The following PTPN1 variants were observed in gnomAD, a reference collection of about 807,000 sequenced individuals.
PTPN1 encodes the protein tyrosine-protein phosphatase non-receptor type 1.
In PTPN1, 12 loss-of-function variants were observed where a neutral mutation model predicts 59.9. The ratio of observed to expected loss-of-function variants is 0.20; its 90% CI spans 0.13 to 0.32. The LOEUF (loss-of-function observed/expected upper bound fraction) is 0.32. PTPN1 is among the 10% of genes least tolerant of loss of function. The probability of loss-of-function intolerance (pLI) is 1.00; values close to 1 mark genes in which losing one functional copy is unlikely to be tolerated. For missense variants in PTPN1, 356 were observed against 549.2 expected (o/e 0.65, Z 3.52); for synonymous variants, 178 against 203.6 (o/e 0.87, Z 1.07).
intron 1 of PTPN1, among the ~76,000 whole-genome samples, chr20:50,539,194 C>T (rs2082637898): frequency 6.7e-6 from 1 of 149,964 alleles, no homozygotes; most frequent in Non-Finnish European, 1.5e-5. Flanking sequence ...TGCCACCACC[C>T]CTGGCAAATT....
In PTPN1 at chr20:50,581,307, A is replaced by G. The variant is rs761910998; in HGVS notation, c.1131A>G (p.Gly377=). ...AAGTTAGAAGTCGGGTCGTGGGGGG[A>G]AGTCTTCGAGGTGCCCAGGCTGCCT... ...DTEVRSRVVG[G]SLRGAQAASP... is the part of the protein sequence containing the mutation. The change falls in exon 9 of 10, where the codon GGA becomes GGG. Residue 377 remains glycine, a synonymous_variant. Transcript: ENST00000371621. The G allele has an allele frequency of 1.2e-6, 2 of 1,613,232 alleles. No homozygotes were observed. The highest frequency in any genetic ancestry group is 1.7e-6 in the Non-Finnish European group (2 of 1,179,312).
intron 1 of PTPN1, among the ~76,000 whole-genome samples, chr20:50,524,569 CTTTTTTTT>C (rs764474360): frequency 3.1e-4 from 14 of 45,790 alleles, no homozygotes; most frequent in African/African-American, 9.1e-4. Flanking sequence ...ATTATGTGGT[CTTTTTTTT>C]TTTTTTTTTT....
intron 1 of PTPN1, among the ~76,000 whole-genome samples, chr20:50,545,898 CGT>C (rs1157589877): frequency 6.7e-6 from 1 of 148,174 alleles, no homozygotes; most frequent in African/African-American, 2.5e-5. Context: ...CATGGTGGAA[CGT>C]AGTGCGTGGT....
chr20:50,540,326 A>AGC (rs1317973699), intron 1 of PTPN1, among the ~76,000 whole-genome samples: 2 of 152,230 alleles, frequency 1.3e-5, no homozygotes, highest in African/African-American at 4.8e-5. Flanking sequence ...AAGTGCTGGG[A>AGC]TTACAGGCGT....
intron 1 of PTPN1, among the ~76,000 whole-genome samples, chr20:50,559,364 G>A (rs2082741019): frequency 6.6e-6 from 1 of 152,110 alleles, no homozygotes; most frequent in African/African-American, 2.4e-5. Flanking sequence ...TTAGAATCTC[G>A]AAGGCATTGC....
At chr20:50,556,873 A>C (rs2082728187) in intron 1 of PTPN1, among the ~76,000 whole-genome samples, 1 of 152,224 alleles carries the variant, frequency 6.6e-6, no homozygotes, top group Non-Finnish European at 1.5e-5. Flanking sequence ...TCAACCCGGG[A>C]GGCAGAGGTT....
At chr20:50,549,067 T>C (rs925667527) in intron 1 of PTPN1, among the ~76,000 whole-genome samples, 5 of 152,232 alleles carry the variant, frequency 3.3e-5, no homozygotes, top group African/African-American at 1.2e-4. Flanking sequence ...ATAAATTGCA[T>C]ATGGAATGGA....
In PTPN1 at chr20:50,581,300, T is replaced by TG. The variant is rs1175258966; in HGVS notation, c.1130dup (p.Ser378LysfsTer61). ...GACACTGAAGTTAGAAGTCGGGTCGTGGGGGGAAGTCTTCGAGGTGCCCAG... is the reference window on the plus strand; with the variant it reads ...GACACTGAAGTTAGAAGTCGGGTCGTGGGGGGGAAGTCTTCGAGGTGCCCAG... On this transcript the variant is annotated frameshift_variant, in exon 9 of 10. Coordinates refer to ENST00000371621, the MANE Select transcript of PTPN1 (RefSeq NM_002827.4). LOFTEE classifies it high-confidence loss of function. 6.2e-7 allele frequency: 1 copy of TG among 1,613,168 alleles called. No individual in the cohort carries two copies.
intron 1 of PTPN1, among the ~76,000 whole-genome samples, chr20:50,523,244 G>A (rs1337514153): frequency 6.6e-6 from 1 of 152,158 alleles, no homozygotes; most frequent in Non-Finnish European, 1.5e-5. Context: ...AGGAACGTGT[G>A]CAAAGAAGAT....
chr20:50,571,718 G>A (rs1199547303), intron 4 of PTPN1: 1 of 152,256 alleles, frequency 6.6e-6, no homozygotes, highest in Admixed American at 6.5e-5. Flanking sequence ...GGGTCATCCA[G>A]ATGGCTAGAG....
chr20:50,514,739 G>C (rs2082521693), intron 1 of PTPN1, among the ~76,000 whole-genome samples: 1 of 152,126 alleles, frequency 6.6e-6, no homozygotes, highest in South Asian at 2.1e-4. Context: ...TTTGTTTCTG[G>C]TAACAACTAA....
intron 1 of PTPN1, among the ~76,000 whole-genome samples, chr20:50,520,016 A>G (rs1318565716): frequency 6.6e-6 from 1 of 152,204 alleles, no homozygotes; most frequent in African/African-American, 2.4e-5. Context: ...CTACATTTCA[A>G]AAAATATTTT....
At chr20:50,529,946 C>T (rs2082593488) in intron 1 of PTPN1, among the ~76,000 whole-genome samples, 2 of 152,314 alleles carry the variant, frequency 1.3e-5, no homozygotes, top group East Asian at 3.9e-4. Context: ...TCAATCTCGG[C>T]TCAGTGCAAC....
chr20:50,521,650 C>T (rs995688401), intron 1 of PTPN1, among the ~76,000 whole-genome samples: 1 of 152,190 alleles, frequency 6.6e-6, no homozygotes, highest in Non-Finnish European at 1.5e-5. Context: ...TAACCTCTTT[C>T]CTAGATGTCA....
chr20:50,580,753 G>A (rs529323903), intron 8 of PTPN1, among the ~76,000 whole-genome samples: 1 of 152,336 alleles, frequency 6.6e-6, no homozygotes, highest in South Asian at 2.1e-4. Context: ...ATGTGTATAG[G>A]TAGTTGTGTT....
At chr20:50,542,998 T>C (rs1372066010) in intron 1 of PTPN1, among the ~76,000 whole-genome samples, 1 of 152,236 alleles carries the variant, frequency 6.6e-6, no homozygotes, top group Admixed American at 6.5e-5. Context: ...ATGCCTATTA[T>C]ATGAAATAGG....
rs1251690596 is a variant in PTPN1, at chr20:50,568,525, C to G, written c.354+47C>G. 1 of 1,389,026 alleles carries G rather than the reference C, an allele frequency of 7.2e-7. No homozygotes were observed. The highest frequency in any genetic ancestry group is 1.0e-6 in the Non-Finnish European group (1 of 977,492). The allele number at this position is 1,389,026 out of a possible 1,614,324, so 86.0% of individuals were successfully genotyped here. A position where few individuals can be genotyped will look rare whatever the true frequency, so the allele number is the denominator to read the frequency against. ...TGTGTATGTGATCATGCATACCACT[C>G]CATATAGTTACCATTTTCGTCCAGA... is the stretch of plus-strand genomic sequence containing the variant. On this transcript the variant is annotated intron_variant, in intron 4 of 9. Coordinates refer to ENST00000371621, the MANE Select transcript of PTPN1 (RefSeq NM_002827.4). The surrounding 1 kb of genome is among the most constrained non-coding windows in gnomAD (Gnocchi z 5.6).
chr20:50,557,031 A>T (rs2082729024), intron 1 of PTPN1, among the ~76,000 whole-genome samples: 1 of 152,206 alleles, frequency 6.6e-6, no homozygotes, highest in Non-Finnish European at 1.5e-5. Context: ...GATGAAATTA[A>T]TAGCCTGGGC....
In PTPN1 at chr20:50,545,846, C is replaced by G. The variant is rs536090803; in HGVS notation, c.64-15517C>G. ...GCCCAGGCAGCATAGCGAGACCCCC[C>G]CTCCCCCCGTCTCTACAAAAAAATA... is the stretch of plus-strand genomic sequence containing the variant. On this transcript the variant is annotated intron_variant, in intron 1 of 9. Coordinates refer to ENST00000371621, the MANE Select transcript of PTPN1 (RefSeq NM_002827.4). Among the ~76,000 whole-genome samples, 52 of 151,710 alleles carry G rather than the reference C, an allele frequency of 3.4e-4. 1 individual carries two copies. The highest frequency in any genetic ancestry group is 1.3e-3 in the African/African-American group (52 of 41,352).
Sources: allele counts gnomAD v4.1 joint callset (sites outside exome capture counted in the v4.1 genomes callset), GRCh38; gene constraint gnomAD v4.1.1; non-coding constraint Gnocchi (gnomAD v3.1); transcripts MANE v1.5; gene names NCBI Gene and HGNC (gene_info 2026-07-23, HGNC 2026-07-21).